WIPF3: variants seen among roughly 807,000 people sequenced by gnomAD.
The protein encoded by WIPF3 is WAS/WASL interacting protein family member 3.
Under a neutral mutation model 38.9 loss-of-function variants are expected in WIPF3, and 33 were observed. The observed-to-expected ratio is 0.85, with a 90% CI of 0.64 to 1.14. WIPF3 has a LOEUF of 1.14. Ranked by LOEUF, WIPF3 falls within the 50% of genes most tolerant of loss-of-function variation. The pLI is 0.00. For synonymous variants in WIPF3, 324 were observed against 269.3 expected, an observed-to-expected ratio of 1.20 and a Z score of -1.99; for missense variants, 711 against 652.5, an observed-to-expected ratio of 1.09 and a Z score of -0.98.
intron 8 of WIPF3, among the ~76,000 whole-genome samples, chr7:29,908,908 C>CAAA (rs59015755): frequency 2.4e-5 from 2 of 82,830 alleles, no homozygotes; most frequent in African/African-American, 4.2e-5. Flanking sequence ...AACTCCATCT[C>CAAA]AAAAAAAAAA....
chr7:29,817,086 C>T (rs1784467875), intron 1 of WIPF3, among the ~76,000 whole-genome samples: 1 of 152,096 alleles, frequency 6.6e-6, no homozygotes, highest in Non-Finnish European at 1.5e-5. Context: ...TTTTGACTTG[C>T]ATTTTCTCAT....
intron 1 of WIPF3, among the ~76,000 whole-genome samples, chr7:29,834,071 T>C (rs1784761538): frequency 6.6e-6 from 1 of 151,276 alleles, no homozygotes; most frequent in African/African-American, 2.4e-5. Flanking sequence ...AGGAGAGGAG[T>C]GGCCCATCCT....
At chr7:29,816,589 G>A (rs35476919) in intron 1 of WIPF3, among the ~76,000 whole-genome samples, 62,335 of 138,672 alleles carry the variant, frequency 0.45, 13,023 homozygotes, top group Non-Finnish European at 0.49. Context: ...GCTTTCCAAA[G>A]TGCTGGGATT....
intron 2 of WIPF3, among the ~76,000 whole-genome samples, chr7:29,853,087 A>G (rs1473445856): frequency 6.6e-6 from 1 of 152,172 alleles, no homozygotes; most frequent in Non-Finnish European, 1.5e-5. Flanking sequence ...TGCCCTGATA[A>G]GAGAGTGAGG....
intron 8 of WIPF3, among the ~76,000 whole-genome samples, chr7:29,906,349 GA>G (rs1425035792): frequency 6.6e-6 from 1 of 151,964 alleles, no homozygotes; most frequent in African/African-American, 2.4e-5. Flanking sequence ...CAATAAAGAG[GA>G]AAAAAACATT....
At chr7:29,906,832 C>G (rs1490852892) in intron 8 of WIPF3, among the ~76,000 whole-genome samples, 1 of 152,158 alleles carries the variant, frequency 6.6e-6, no homozygotes, top group African/African-American at 2.4e-5. Context: ...GTAAATTTAT[C>G]ATCCAAACTT....
At chr7:29,895,357 G>A (rs1440639437) in intron 7 of WIPF3, among the ~76,000 whole-genome samples, 1 of 152,124 alleles carries the variant, frequency 6.6e-6, no homozygotes, top group Non-Finnish European at 1.5e-5. Context: ...TAAAACTAGT[G>A]TTCAAACAAG....
At chr7:29,827,618 G>A (rs1032733381) in intron 1 of WIPF3, among the ~76,000 whole-genome samples, 1 of 152,084 alleles carries the variant, frequency 6.6e-6, no homozygotes, top group East Asian at 1.9e-4. Flanking sequence ...GCGTCATGGG[G>A]TTTATTAGCC....
intron 2 of WIPF3, among the ~76,000 whole-genome samples, chr7:29,872,559 C>T (rs986696410): frequency 6.6e-6 from 1 of 151,854 alleles, no homozygotes; most frequent in Admixed American, 6.6e-5. Flanking sequence ...TTTGGGAGGC[C>T]GAGGCGGGCG....
intron 2 of WIPF3, among the ~76,000 whole-genome samples, chr7:29,850,266 A>G (rs1785072536): frequency 6.6e-6 from 1 of 152,242 alleles, no homozygotes; most frequent in African/African-American, 2.4e-5. Context: ...GAAAAACCAA[A>G]AGCAATGGTT....
chr7:29,861,501 G>A (rs1583607487), intron 2 of WIPF3, among the ~76,000 whole-genome samples: 1 of 152,234 alleles, frequency 6.6e-6, no homozygotes, highest in South Asian at 2.1e-4. Context: ...CCTTTCCTTT[G>A]TTTTCTCTTC....
At chr7:29,839,872 A>G (rs1412056568) in intron 2 of WIPF3, among the ~76,000 whole-genome samples, 1 of 152,238 alleles carries the variant, frequency 6.6e-6, no homozygotes, top group South Asian at 2.1e-4. Context: ...GCAAAATGTT[A>G]TTCCTCAAAG....
intron 1 of WIPF3, among the ~76,000 whole-genome samples, chr7:29,813,008 A>C (rs1403403230): frequency 1.3e-5 from 2 of 152,100 alleles, no homozygotes; most frequent in African/African-American, 4.8e-5. Flanking sequence ...TCAAACTCAA[A>C]ATGTTTCGAA....
chr7:29,888,221 A>G lies in WIPF3; in HGVS notation c.1249+4A>G. On this transcript the variant is annotated splice_donor_region_variant and intron_variant, in intron 6 of 8. Coordinates refer to ENST00000242140, the MANE Select transcript of WIPF3 (RefSeq NM_001080529.3). Reference sequence around the variant, plus strand: ...AATGGAAGCCTGCACATCATTGGTAAGTGGGTTGCACCCTCTGCCGGTTTG... The same window carrying G: ...AATGGAAGCCTGCACATCATTGGTAGGTGGGTTGCACCCTCTGCCGGTTTG... 3 of 1,604,828 alleles carry G rather than the reference A, an allele frequency of 1.9e-6. No individual in the cohort carries two copies. The highest frequency in any genetic ancestry group is 1.7e-4 in the Middle Eastern group (1 of 6,052).
intron 8 of WIPF3, among the ~76,000 whole-genome samples, chr7:29,907,831 T>G (rs1786427356): frequency 6.6e-6 from 1 of 152,104 alleles, no homozygotes; most frequent in Admixed American, 6.6e-5. Context: ...CTGAAAAGAC[T>G]AAGACACCAT....
Position 29,883,830 on chromosome 7 carries a change from A to G in WIPF3, c.356-20A>G. ...TCCTTCTTTATTGCCGAGCTAACCC[A>G]GAATCTCTTTCACTTCCAGGTGGCA... is the stretch of plus-strand genomic sequence containing the variant. On this transcript the variant is annotated intron_variant, in intron 4 of 8. Transcript: ENST00000242140. The G allele has an allele frequency of 6.6e-7, 1 of 1,517,482 alleles. No individual in the cohort carries two copies. Among genetic ancestry groups the G allele is most frequent in the Non-Finnish European group, 8.8e-7 (1 of 1,132,642 alleles). The allele number at this position is 1,517,482 out of a possible 1,614,324, so 94.0% of individuals were successfully genotyped here.
At chr7:29,853,244 C>T (rs955820939) in intron 2 of WIPF3, among the ~76,000 whole-genome samples, 1 of 152,328 alleles carries the variant, frequency 6.6e-6, no homozygotes, top group Non-Finnish European at 1.5e-5. Context: ...CCCCATCTGT[C>T]TTGCAGGGGT....
intron 7 of WIPF3, among the ~76,000 whole-genome samples, chr7:29,897,627 A>G (rs1786178514): frequency 1.3e-5 from 2 of 152,218 alleles, no homozygotes; most frequent in South Asian, 4.1e-4. Context: ...TCCATTAGCA[A>G]TGGAAACTCT....
intron 1 of WIPF3, among the ~76,000 whole-genome samples, chr7:29,825,207 A>C (rs940803829): frequency 6.6e-6 from 1 of 152,180 alleles, no homozygotes; most frequent in African/African-American, 2.4e-5. Context: ...GTTGAATAAT[A>C]AACTCCCTTT....
Sources: allele counts gnomAD v4.1 joint callset (sites outside exome capture counted in the v4.1 genomes callset), GRCh38; gene constraint gnomAD v4.1.1; transcripts MANE v1.5; gene names NCBI Gene and HGNC (gene_info 2026-07-23, HGNC 2026-07-21).